RABEP1: variants seen among roughly 807,000 people sequenced by gnomAD.
The protein encoded by RABEP1 is rab GTPase-binding effector protein 1.
A neutral mutation model predicts 123.4 loss-of-function variants in RABEP1; 51 were observed. The ratio of observed to expected loss-of-function variants is 0.41; its 90% confidence interval spans 0.33 to 0.52. The LOEUF is 0.52. RABEP1 is among the 20% of genes least tolerant of loss of function. The pLI is 0.16. For missense variants in RABEP1, 888 were observed against 996.3 expected, an observed-to-expected ratio of 0.89 and a Z score of 1.46; for synonymous variants, 347 against 355.2, an observed-to-expected ratio of 0.98 and a Z score of 0.26.
At chr17:5,359,648 T>A (rs1179296629) in intron 8 of RABEP1, among the ~76,000 whole-genome samples, 1 of 152,190 alleles carries the variant, frequency 6.6e-6, no homozygotes, top group Non-Finnish European at 1.5e-5. Context: ...ACTCAAAATT[T>A]GTCACCTTTT....
chr17:5,330,180 G>T (rs1446715309), intron 2 of RABEP1, among the ~76,000 whole-genome samples: 1 of 152,070 alleles, frequency 6.6e-6, no homozygotes, highest in Non-Finnish European at 1.5e-5. Flanking sequence ...TTCCTTTGTG[G>T]TTTCACGTGT....
intron 8 of RABEP1, among the ~76,000 whole-genome samples, chr17:5,358,889 T>C (rs1007822589): frequency 4.0e-5 from 6 of 151,754 alleles, no homozygotes; most frequent in Admixed American, 2.0e-4. Context: ...GCCTCCTGAG[T>C]AGCTGAGACT....
At chr17:5,322,908 T>C (rs1425619849) in intron 2 of RABEP1, among the ~76,000 whole-genome samples, 6 of 152,030 alleles carry the variant, frequency 3.9e-5, no homozygotes, top group Admixed American at 3.9e-4. Flanking sequence ...AACTCCGTCT[T>C]TACAAAAAAT....
At chr17:5,329,564 C>T (rs1239497611) in intron 2 of RABEP1, among the ~76,000 whole-genome samples, 1 of 151,990 alleles carries the variant, frequency 6.6e-6, no homozygotes, top group Admixed American at 6.6e-5. Context: ...AATCTTAATA[C>T]CTTTTGAGTC....
At chr17:5,306,051 A>G (rs545302136) in intron 1 of RABEP1, among the ~76,000 whole-genome samples, 1 of 152,320 alleles carries the variant, frequency 6.6e-6, no homozygotes, top group African/African-American at 2.4e-5. Flanking sequence ...ATGAACACAT[A>G]GCGATGCTTC....
At chr17:5,326,042 G>A (rs1245728611) in intron 2 of RABEP1, among the ~76,000 whole-genome samples, 9 of 152,150 alleles carry the variant, frequency 5.9e-5, no homozygotes, top group Admixed American at 5.9e-4. Context: ...TTCATTGCTG[G>A]TGGGAATGCA....
intron 1 of RABEP1, among the ~76,000 whole-genome samples, chr17:5,296,944 G>T (rs2075089130): frequency 6.6e-6 from 1 of 151,954 alleles, no homozygotes; most frequent in Admixed American, 6.6e-5. Flanking sequence ...TCACCATGTT[G>T]CTCAGACTGG....
chr17:5,344,060 TAA>T (rs575859310), intron 5 of RABEP1, among the ~76,000 whole-genome samples: 54 of 152,252 alleles, frequency 3.5e-4, no homozygotes, highest in African/African-American at 1.3e-3. Flanking sequence ...AGTTCTTTGT[TAA>T]AAGATACTAT....
Position 5,335,080 on chromosome 17 carries a change from A to G in RABEP1, c.368-104A>G, listed in dbSNP as rs947887042. 22 of 944,566 alleles carry G rather than the reference A, an allele frequency of 2.3e-5. No individual in the cohort carries two copies. In the Middle Eastern group the frequency reaches 1.3e-3, roughly 57 times the overall value. The allele number at this position is 944,566 out of a possible 1,614,324, so 58.5% of individuals were successfully genotyped here. ...TTTTTTAGTGAATTAAACATTTTCC[A>G]GAAATTAGACGTAAGCTTTTTATAT... On this transcript the variant is annotated intron_variant, in intron 3 of 17. Transcript: ENST00000537505.
intron 4 of RABEP1, among the ~76,000 whole-genome samples, chr17:5,337,460 C>T (rs900474745): frequency 2.8e-4 from 42 of 151,882 alleles, no homozygotes; most frequent in African/African-American, 9.4e-4. Context: ...CCGAGGCGGG[C>T]GGATCATGAG....
intron 2 of RABEP1, among the ~76,000 whole-genome samples, chr17:5,326,366 A>G (rs145895920): frequency 2.2e-3 from 330 of 152,334 alleles, no homozygotes; most frequent in Middle Eastern, 3.4e-3. Context: ...AATGCAAACT[A>G]CTAAGTGAAA....
Position 5,354,787 on chromosome 17 carries a change from T to C in RABEP1, c.1095+297T>C, listed in dbSNP as rs188647603. Among the ~76,000 whole-genome samples the C allele has an allele frequency of 4.1e-3, 628 of 152,344 alleles. 1 individual carries two copies. The highest frequency in any genetic ancestry group is 7.9e-3 in the Admixed American group (121 of 15,296). The stretch of plus-strand genomic sequence containing the variant: ...AATGTCTGCAAAATCTTTTTTGATG[T>C]GAATAGTACATGTTGCTAATACTTG... On this transcript the variant is annotated intron_variant, in intron 8 of 17. Coordinates refer to ENST00000537505, the MANE Select transcript of RABEP1 (RefSeq NM_004703.6).
At position 5,386,126 on chromosome 17, in the gene RABEP1, A is replaced by G. The variant is rs1911941245; in HGVS notation, c.*2903A>G. On this transcript the variant is annotated 3_prime_UTR_variant, in exon 18 of 18. Coordinates refer to ENST00000537505, the MANE Select transcript of RABEP1 (RefSeq NM_004703.6). ...TCATCAAAACACCTTTTTATAAATTAGATAATTCTACCTGTTTTACAATAT... is the reference window on the plus strand; with the variant it reads ...TCATCAAAACACCTTTTTATAAATTGGATAATTCTACCTGTTTTACAATAT... 8 of 1,042,688 alleles carry G rather than the reference A, an allele frequency of 7.7e-6. No individual in the cohort carries two copies. The highest frequency in any genetic ancestry group is 1.1e-5 in the Non-Finnish European group (8 of 702,740). 64.6% of individuals were successfully genotyped at this position (1,042,688 alleles called of 1,614,324 possible).
intron 1 of RABEP1, among the ~76,000 whole-genome samples, chr17:5,298,844 A>G (rs977363080): frequency 1.3e-5 from 2 of 151,864 alleles, no homozygotes; most frequent in South Asian, 2.1e-4. Context: ...TTTAGTAGAG[A>G]TGGGGTTTCA....
intron 2 of RABEP1, 108 bp downstream of exon 2, chr17:5,308,930 G>T: frequency 8.9e-7 from 1 of 1,121,222 alleles, no homozygotes; most frequent in Non-Finnish European, 1.2e-6. Flanking sequence ...GATTTTATTT[G>T]TACTTGCATA....
At position 5,368,400 on chromosome 17, in the gene RABEP1, T is replaced by C; in HGVS notation, c.1816T>C (p.Ser606Pro). The C allele has an allele frequency of 6.2e-7, 1 of 1,613,950 alleles. No homozygotes were observed. Among genetic ancestry groups the C allele is most frequent in the East Asian group, 2.2e-5 (1 of 44,882 alleles). The change falls in exon 12 of 18, where the codon TCC (serine) becomes CCC (proline). Residue 606 changes from serine (S) to proline (P), a missense_variant. Physicochemically the swap from Ser to Pro is moderately conservative, Grantham distance 74. Coordinates refer to ENST00000537505, the MANE Select transcript of RABEP1 (RefSeq NM_004703.6). ...ISALVLRAQASEILLEELQQG... is the reference protein window; with the variant it reads ...ISALVLRAQAPEILLEELQQG... The stretch of plus-strand genomic sequence containing the variant: ...TGCACTCGTCCTAAGAGCCCAGGCC[T>C]CCGAGATCTTACTTGAAGAGTTACA...
At chr17:5,347,124 A>G (rs1275678996) in intron 6 of RABEP1, among the ~76,000 whole-genome samples, 199 bp downstream of exon 6, 1 of 152,118 alleles carries the variant, frequency 6.6e-6, no homozygotes, top group Admixed American at 6.6e-5. Context: ...TAACTTCACA[A>G]GGTGGCTGGG....
chr17:5,381,356 C>T (rs147531314), intron 16 of RABEP1, 33 bp from the exon 17 acceptor site: 1 of 1,601,394 alleles, frequency 6.2e-7, no homozygotes, highest in Non-Finnish European at 8.5e-7. Context: ...GGCCCTTTGG[C>T]ATTAATCTTC....
rs148587942 is a variant in RABEP1, at chr17:5,375,862, T to TTTTATTTA, written c.2026-1234_2026-1227dup. ...GACTTTATTCCTAGATTTTATTTCA[T>TTTTATTTA]TTTATTTATTTATTTATTTATTTAT... On this transcript the variant is annotated intron_variant, in intron 13 of 17. Transcript: ENST00000537505. Among the ~76,000 whole-genome samples the TTTTATTTA allele has an allele frequency of 4.0e-3, 601 of 149,948 alleles. 15 individuals carry two copies. The East Asian group carries it at 0.042, about 11-fold the overall frequency.
Sources: allele counts gnomAD v4.1 joint callset (sites outside exome capture counted in the v4.1 genomes callset), GRCh38; gene constraint gnomAD v4.1.1; transcripts MANE v1.5; gene names NCBI Gene and HGNC (gene_info 2026-07-23, HGNC 2026-07-21).